The following MRTFB variants were observed in gnomAD, a reference collection of about 807,000 sequenced individuals.
MRTFB encodes the protein myocardin-related transcription factor B.
Under a neutral mutation model 104.2 loss-of-function variants are expected in MRTFB, and 29 were observed. The observed-to-expected ratio is 0.28, with a 90% CI of 0.21 to 0.38. The LOEUF is 0.38. Among genes scored for constraint, MRTFB ranks in the 10% least tolerant of loss-of-function variants. The pLI is 1.00. For missense variants in MRTFB, 1,270 were observed against 1,341.6 expected (o/e 0.95, Z 0.83); for synonymous variants, 535 against 519.5 (o/e 1.03, Z -0.41).
intron 3 of MRTFB, among the ~76,000 whole-genome samples, chr16:14,166,700 C>T (rs1255743580): frequency 6.6e-6 from 1 of 151,844 alleles, no homozygotes; most frequent in African/African-American, 2.4e-5. Context: ...GTGTTGTTCC[C>T]CTCCCTGTGT....
the MRTFB span, among the ~76,000 whole-genome samples, chr16:14,034,504 G>A: frequency 6.6e-6 from 1 of 151,694 alleles, no homozygotes; most frequent in African/African-American, 2.4e-5. Flanking sequence ...ATCCCAGCTA[G>A]TTGGGAGGCT....
chr16:14,244,406 G>A (rs1178354300), intron 10 of MRTFB, among the ~76,000 whole-genome samples: 1 of 152,134 alleles, frequency 6.6e-6, no homozygotes, highest in Non-Finnish European at 1.5e-5. Context: ...TCTTATCTAG[G>A]AATGGAATTG....
At chr16:14,256,035 C>T (rs1279581320) in intron 15 of MRTFB, among the ~76,000 whole-genome samples, 2 of 150,668 alleles carry the variant, frequency 1.3e-5, no homozygotes, top group East Asian at 2.0e-4. Context: ...ATCACTTGAT[C>T]TCAGGGGGTT....
chr16:14,097,229 G>A (rs908031724), intron 2 of MRTFB, among the ~76,000 whole-genome samples: 3 of 152,278 alleles, frequency 2.0e-5, no homozygotes, highest in East Asian at 1.9e-4. Context: ...TGCAATAAAC[G>A]TTTGAGTTAA....
Sources: gnomAD v4.1 joint callset for allele counts (sites outside exome capture counted in the v4.1 genomes callset) on GRCh38, gnomAD v4.1.1 for gene constraint, MANE v1.5 for transcripts, NCBI Gene and HGNC (gene_info 2026-07-23, HGNC 2026-07-21) for gene names.